SLC25A48: variants seen among roughly 807,000 people sequenced by gnomAD.
SLC25A48 encodes solute carrier family 25 member 48.
SLC25A48 carries 29 observed loss-of-function variants against 32.2 expected under a neutral mutation model. The observed-to-expected ratio is 0.90, with a 90% CI of 0.67 to 1.23. SLC25A48 has a LOEUF of 1.23. Ranked by LOEUF, SLC25A48 falls within the 50% of genes most tolerant of loss-of-function variation. The probability of loss-of-function intolerance (pLI) is 0.00; values close to 1 mark genes in which losing one functional copy is unlikely to be tolerated. For missense variants in SLC25A48, 399 were observed against 422.7 expected, an observed-to-expected ratio of 0.94 and a Z score of 0.49; for synonymous variants, 164 against 172.3, an observed-to-expected ratio of 0.95 and a Z score of 0.38.
chr5:135,870,782 A>C (rs1761573195), intron 4 of SLC25A48, among the ~76,000 whole-genome samples: 1 of 151,976 alleles, frequency 6.6e-6, no homozygotes, highest in Non-Finnish European at 1.5e-5. Context: ...CCTTATTTGC[A>C]CTCATGACAA....
At chr5:135,593,786 T>C (rs893001223) in intron 1 of SLC25A48, among the ~76,000 whole-genome samples, 1 of 152,222 alleles carries the variant, frequency 6.6e-6, no homozygotes, top group Non-Finnish European at 1.5e-5. Flanking sequence ...ATCATAGCGT[T>C]AGTTGTAATT....
chr5:135,696,436 A>G (rs1388057488), intron 3 of SLC25A48, among the ~76,000 whole-genome samples: 1 of 152,216 alleles, frequency 6.6e-6, no homozygotes. Context: ...GTGTGAAGGA[A>G]GAGAGAGACA....
At chr5:135,778,917 G>A (rs1756646104) in intron 3 of SLC25A48, among the ~76,000 whole-genome samples, 1 of 145,730 alleles carries the variant, frequency 6.9e-6, no homozygotes, top group African/African-American at 2.5e-5. Context: ...ATTGCAGGAG[G>A]TGTACACCTC....
chr5:135,613,300 T>G (rs2126892656), intron 1 of SLC25A48, among the ~76,000 whole-genome samples: 1 of 152,322 alleles, frequency 6.6e-6, no homozygotes, highest in Admixed American at 6.5e-5. Flanking sequence ...TGCTGAGTTG[T>G]TTGAGTTTCT....
chr5:135,651,387 CTG>C (rs1487664875), intron 3 of SLC25A48, among the ~76,000 whole-genome samples: 2 of 152,206 alleles, frequency 1.3e-5, no homozygotes, highest in African/African-American at 2.4e-5. Flanking sequence ...CCTCAGGTGA[CTG>C]TACAGTGAGT....
intron 1 of SLC25A48, among the ~76,000 whole-genome samples, chr5:135,580,992 T>C (rs1168018442): frequency 1.3e-5 from 2 of 152,190 alleles, no homozygotes; most frequent in Non-Finnish European, 2.9e-5. Context: ...TGGAGTCAAA[T>C]TGCCTGAGTA....
At chr5:135,809,079 A>T (rs1238467506) in intron 3 of SLC25A48, among the ~76,000 whole-genome samples, 1 of 151,854 alleles carries the variant, frequency 6.6e-6, no homozygotes, top group East Asian at 1.9e-4. Flanking sequence ...AGACGGGAGG[A>T]TCGCTTGAGG....
At chr5:135,887,539 C>A (rs1234799773) in intron 7 of SLC25A48, among the ~76,000 whole-genome samples, 1 of 152,084 alleles carries the variant, frequency 6.6e-6, no homozygotes, top group East Asian at 1.9e-4. Flanking sequence ...TGATACCCTG[C>A]AGAACCACCA....
chr5:135,689,266 A>G (rs1754089432), intron 3 of SLC25A48, among the ~76,000 whole-genome samples: 1 of 152,152 alleles, frequency 6.6e-6, no homozygotes, highest in Non-Finnish European at 1.5e-5. Flanking sequence ...CTTAAGAGGG[A>G]ATCTACAGGC....
At chr5:135,778,843 C>G (rs1233738445) in intron 3 of SLC25A48, among the ~76,000 whole-genome samples, 1 of 31,012 alleles carries the variant, frequency 3.2e-5, no homozygotes, top group Non-Finnish European at 6.7e-5. Flanking sequence ...ACACACACCC[C>G]CCCCGCCCCG....
At chr5:135,849,086 C>T (rs999621365) in intron 2 of SLC25A48, among the ~76,000 whole-genome samples, 40 of 152,214 alleles carry the variant, frequency 2.6e-4, no homozygotes, top group African/African-American at 8.7e-4. Context: ...ATCTGCTTAT[C>T]GTAGGAAAGT....
intron 5 of SLC25A48, among the ~76,000 whole-genome samples, chr5:135,873,759 C>G (rs2126811748): frequency 6.6e-6 from 1 of 152,328 alleles, no homozygotes; most frequent in Non-Finnish European, 1.5e-5. Context: ...TCATTTGGTC[C>G]TCAAAACAGC....
chr5:135,785,604 C>T (rs1462636409), intron 3 of SLC25A48, among the ~76,000 whole-genome samples: 1 of 148,280 alleles, frequency 6.7e-6, no homozygotes, highest in Non-Finnish European at 1.5e-5. Flanking sequence ...GTGGAACACC[C>T]GCCTTGCCCC....
At chr5:135,846,577 T>C (rs1036315307) in intron 2 of SLC25A48, among the ~76,000 whole-genome samples, 1 of 152,110 alleles carries the variant, frequency 6.6e-6, no homozygotes, top group African/African-American at 2.4e-5. Flanking sequence ...CTCTTCTCCT[T>C]GGGTTTTCAG....
chr5:135,776,467 G>A (rs1756565021), intron 3 of SLC25A48, among the ~76,000 whole-genome samples: 1 of 151,820 alleles, frequency 6.6e-6, no homozygotes, highest in African/African-American at 2.4e-5. Flanking sequence ...ACCGCAGGAG[G>A]TGTACAGCCC....
chr5:135,723,597 T>C (rs1375946392), intron 3 of SLC25A48, among the ~76,000 whole-genome samples: 6 of 151,600 alleles, frequency 4.0e-5, no homozygotes, highest in Non-Finnish European at 8.8e-5. Flanking sequence ...GAAATGTTGC[T>C]TTAATCACTC....
At chr5:135,621,413 G>C (rs745455215) in intron 1 of SLC25A48, among the ~76,000 whole-genome samples, 1 of 152,098 alleles carries the variant, frequency 6.6e-6, no homozygotes, top group African/African-American at 2.4e-5. Flanking sequence ...TGTTACAAAG[G>C]TTATCTAGTA....
intron 3 of SLC25A48, among the ~76,000 whole-genome samples, chr5:135,683,233 A>AG (rs1249158561): frequency 2.0e-5 from 3 of 152,104 alleles, no homozygotes; most frequent in Non-Finnish European, 2.9e-5. Context: ...GGAGGAGGGC[A>AG]GGGGGGCAGA....
chr5:135,601,777 C>G (rs946786169), intron 1 of SLC25A48, among the ~76,000 whole-genome samples: 2 of 152,222 alleles, frequency 1.3e-5, no homozygotes, highest in African/African-American at 4.8e-5. Context: ...CCAAAAGAAA[C>G]TGTATTCTTG....
Sources: gnomAD v4.1 joint callset for allele counts (sites outside exome capture counted in the v4.1 genomes callset) on GRCh38, gnomAD v4.1.1 for gene constraint, MANE v1.5 for transcripts, NCBI Gene and HGNC (gene_info 2026-07-23, HGNC 2026-07-21) for gene names.